The following AGAP1 variants were observed in gnomAD, a reference collection of about 807,000 sequenced individuals.
AGAP1 encodes ArfGAP with GTPase domain, ankyrin repeat and PH domain 1.
In AGAP1, 29 loss-of-function variants were observed where a neutral mutation model predicts 105.3. The ratio of observed to expected loss-of-function variants is 0.28; its 90% CI spans 0.21 to 0.38. The LOEUF (loss-of-function observed/expected upper bound fraction) is 0.38, where lower values mean the gene tolerates loss of function less well. Among genes scored for constraint, AGAP1 ranks in the 10% least tolerant of loss-of-function variants. AGAP1 has a pLI of 1.00. For synonymous variants in AGAP1, 509 were observed against 485.9 expected (o/e 1.05, Z -0.63); for missense variants, 998 against 1,165.1 (o/e 0.86, Z 2.09).
At position 236,106,546 on chromosome 2, in the gene AGAP1, G is replaced by A. The variant is rs570146798; in HGVS notation, c.2115-13646G>A. 2.1e-3 allele frequency among the ~76,000 whole-genome samples: 323 copies of A among 152,364 alleles called. 5 individuals are homozygous for A. Among genetic ancestry groups the A allele is most frequent in the Admixed American group, 1.0e-3 (16 of 15,308 alleles). ...TCCCAAGTAGGCAGTGAAAAGCTTC[G>A]AGAAGGGTGGGCTCTGGGGGCCATG... On this transcript the variant is annotated intron_variant, in intron 16 of 17. Transcript: ENST00000304032.
intron 1 of AGAP1, among the ~76,000 whole-genome samples, chr2:235,626,909 C>G (rs748346337): frequency 2.0e-5 from 3 of 151,086 alleles, no homozygotes; most frequent in Non-Finnish European, 4.5e-5. Flanking sequence ...GGCCCATGGC[C>G]TGATCTCTGT....
rs185121439 is a variant in AGAP1 at position 236,118,515 on chromosome 2, G to A, written c.2115-1677G>A. The stretch of plus-strand genomic sequence containing the variant: ...AGCCATTCTCCTACCTCGGCTTCCC[G>A]AGTAGCTGGGATTACAGGCGCCTGC... On this transcript the variant is annotated intron_variant, in intron 16 of 17. Transcript: ENST00000304032. 3.2e-4 allele frequency among the ~76,000 whole-genome samples: 48 copies of A among 149,784 alleles called. 1 individual carries two copies. In the East Asian group the frequency reaches 8.8e-3, roughly 27 times the overall value.
rs1947136360 is a variant in AGAP1, at chr2:235,639,983, A to G, written c.164-69196A>G. Among the ~76,000 whole-genome samples, 1 of 152,158 alleles carries G rather than the reference A, an allele frequency of 6.6e-6. No homozygotes were observed. The highest frequency in any genetic ancestry group is 1.5e-5 in the Non-Finnish European group (1 of 68,030). The stretch of plus-strand genomic sequence containing the variant: ...TCAAAAGCAGTTTTTGTTTTTCTTG[A>G]TAGCTGGATTTGGGTTATCTCTCAG... On this transcript the variant is annotated intron_variant, in intron 1 of 17. Transcript: ENST00000304032. The surrounding 1 kb of genome is among the most constrained non-coding windows in gnomAD (Gnocchi z 5.3).
chr2:235,837,008 G>A (rs557368271), intron 9 of AGAP1, among the ~76,000 whole-genome samples: 1 of 152,250 alleles, frequency 6.6e-6, no homozygotes, highest in East Asian at 1.9e-4. Flanking sequence ...GGGTTGAGAC[G>A]GAGTTTTGCT....
rs2057875626 is a variant in AGAP1 at position 236,050,856 on chromosome 2, C to A, written c.2114+1575C>A. Reference sequence around the variant, plus strand: ...ATTATTCGAAGCAAAGATACGGGTTCATGTTTTACCTGATAAATGTTTTAT... The same window carrying A: ...ATTATTCGAAGCAAAGATACGGGTTAATGTTTTACCTGATAAATGTTTTAT... On this transcript the variant is annotated intron_variant, in intron 16 of 17. Coordinates refer to ENST00000304032, the MANE Select transcript of AGAP1 (RefSeq NM_001037131.3). The surrounding 1 kb of genome is among the most constrained non-coding windows in gnomAD (Gnocchi z 4.0). Among the ~76,000 whole-genome samples, 1 of 152,172 alleles carries A rather than the reference C, an allele frequency of 6.6e-6. No individual in the cohort carries two copies. The highest frequency in any genetic ancestry group is 2.1e-4 in the South Asian group (1 of 4,826).
At chr2:235,628,920 T>C (rs1946729763) in intron 1 of AGAP1, among the ~76,000 whole-genome samples, 1 of 152,158 alleles carries the variant, frequency 6.6e-6, no homozygotes, top group Non-Finnish European at 1.5e-5. Flanking sequence ...CAAGCAATTC[T>C]CCTGCCTTAG....
chr2:235,698,325 C>A (rs1300481102), intron 1 of AGAP1, among the ~76,000 whole-genome samples: 1 of 152,174 alleles, frequency 6.6e-6, no homozygotes, highest in African/African-American at 2.4e-5. Context: ...TGTTCCCAGC[C>A]AGCCACGGAT....
intron 1 of AGAP1, among the ~76,000 whole-genome samples, chr2:235,613,769 C>G (rs1946217734): frequency 6.6e-6 from 1 of 152,184 alleles, no homozygotes; most frequent in Non-Finnish European, 1.5e-5. Context: ...TTAAAATATT[C>G]CTTTGTGAAT....
At chr2:235,576,442 T>C (rs1190885021) in intron 1 of AGAP1, among the ~76,000 whole-genome samples, 1 of 152,188 alleles carries the variant, frequency 6.6e-6, no homozygotes, top group African/African-American at 2.4e-5. Flanking sequence ...TTGACGAGTA[T>C]GGTATATTCT....
intron 15 of AGAP1, 87 bp from the exon 16 acceptor site, chr2:236,048,968 TTGAC>T (rs1458930456): frequency 1.6e-6 from 2 of 1,253,690 alleles, no homozygotes; most frequent in East Asian, 4.7e-5. Flanking sequence ...GTTGTGAAGT[TTGAC>T]TGATTCGTCG....
intron 1 of AGAP1, among the ~76,000 whole-genome samples, chr2:235,632,808 G>T (rs1946872094): frequency 6.6e-6 from 1 of 152,292 alleles, no homozygotes; most frequent in African/African-American, 2.4e-5. Context: ...TTTTCCTCTT[G>T]TGGCACCTGG....
At chr2:235,755,685 C>G (rs916513569) in intron 6 of AGAP1, among the ~76,000 whole-genome samples, 4 of 152,266 alleles carry the variant, frequency 2.6e-5, no homozygotes, top group African/African-American at 7.2e-5. Context: ...AAGTGATCCT[C>G]TGGCCTCGGC....
At chr2:235,658,916 TC>T (rs1947859842) in intron 1 of AGAP1, among the ~76,000 whole-genome samples, 1 of 152,238 alleles carries the variant, frequency 6.6e-6, no homozygotes, top group South Asian at 2.1e-4. Context: ...GAGTACTTTC[TC>T]CGAAAGCTCT....
At chr2:235,853,001 C>G (rs2048540848) in intron 9 of AGAP1, 1 of 1,248,410 alleles carries the variant, frequency 8.0e-7, no homozygotes, top group Non-Finnish European at 1.0e-6. Context: ...AAATGGAGCG[C>G]TCCTCCAGAA....
At position 235,906,512 on chromosome 2, in the gene AGAP1, C is replaced by T. The variant is rs1029034206; in HGVS notation, c.1156-2226C>T. Among the ~76,000 whole-genome samples, 1 of 152,146 alleles carries T rather than the reference C, an allele frequency of 6.6e-6. No homozygotes were observed. Among genetic ancestry groups the T allele is most frequent in the African/African-American group, 2.4e-5 (1 of 41,444 alleles). ...GTTCTGTATTTATCTGCCAGAGTGT[C>T]CCCCGCCAGTGTGGCTGTGCCCTCA... On this transcript the variant is annotated intron_variant, in intron 10 of 17. Coordinates refer to ENST00000304032, the MANE Select transcript of AGAP1 (RefSeq NM_001037131.3). This position sits in a 1 kb window ranked among gnomAD's most constrained non-coding sequence, Gnocchi z 5.3.
At chr2:235,758,721 C>G (rs992989729) in intron 6 of AGAP1, among the ~76,000 whole-genome samples, 1 of 152,084 alleles carries the variant, frequency 6.6e-6, no homozygotes, top group African/African-American at 2.4e-5. Context: ...TATGCGGTAC[C>G]AATACAAATG....
Position 235,717,512 on chromosome 2 carries a change from TAG to T in AGAP1, c.223-42_223-41del, listed in dbSNP as rs1951177721. 3.9e-6 allele frequency: 6 copies of T among 1,522,538 alleles called. No individual in the cohort carries two copies. The African/African-American group carries it at 5.6e-5, about 14-fold the overall frequency. 94.3% of individuals were successfully genotyped at this position (1,522,538 alleles called of 1,614,324 possible). On this transcript the variant is annotated intron_variant, in intron 2 of 17. Transcript: ENST00000304032. Reference sequence around the variant, plus strand: ...CTCTTAGTATTTGCAAAATGCCAAATAGAGTGATTTGATGATGCTTAACGGTT... The same window carrying T: ...CTCTTAGTATTTGCAAAATGCCAAATAGTGATTTGATGATGCTTAACGGTT...
In AGAP1 at chr2:236,051,531, C is replaced by T. The variant is rs929385153; in HGVS notation, c.2114+2250C>T. On this transcript the variant is annotated intron_variant, in intron 16 of 17. Coordinates refer to ENST00000304032, the MANE Select transcript of AGAP1 (RefSeq NM_001037131.3). The surrounding 1 kb of genome is among the most constrained non-coding windows in gnomAD (Gnocchi z 5.9). The stretch of plus-strand genomic sequence containing the variant: ...AGGCGGGCTGGAGGGTGGGAGTGGC[C>T]TCGGTGGATGCAGGCTCGGCCGGGC... 6.6e-6 allele frequency among the ~76,000 whole-genome samples: 1 copy of T among 152,136 alleles called. No individual in the cohort carries two copies. The highest frequency in any genetic ancestry group is 1.5e-5 in the Non-Finnish European group (1 of 68,032).
rs562484587 is a variant in AGAP1 at position 235,959,969 on chromosome 2, G to T, written c.1484-8493G>T. On this transcript the variant is annotated intron_variant, in intron 12 of 17. Coordinates refer to ENST00000304032, the MANE Select transcript of AGAP1 (RefSeq NM_001037131.3). This position sits in a 1 kb window ranked among gnomAD's most constrained non-coding sequence, Gnocchi z 7.3. Reference sequence around the variant, plus strand: ...CTGGTTGTCTCCTTCCAGCAAGAAAGTTGGAGTAAAATGTCCAGGGCCTGG... The same window carrying T: ...CTGGTTGTCTCCTTCCAGCAAGAAATTTGGAGTAAAATGTCCAGGGCCTGG... 1.3e-5 allele frequency among the ~76,000 whole-genome samples: 2 copies of T among 152,294 alleles called. No homozygotes were observed. Among genetic ancestry groups the T allele is most frequent in the East Asian group, 3.9e-4 (2 of 5,166 alleles).
Sources: gnomAD v4.1 joint callset for allele counts (sites outside exome capture counted in the v4.1 genomes callset) on GRCh38, gnomAD v4.1.1 for gene constraint, Gnocchi (gnomAD v3.1) non-coding constraint, MANE v1.5 for transcripts, NCBI Gene and HGNC (gene_info 2026-07-23, HGNC 2026-07-21) for gene names.